The following ITGB3 variants were observed in gnomAD, a reference collection of about 807,000 sequenced individuals.
The protein encoded by ITGB3 is integrin beta-3.
ITGB3 carries 48 observed loss-of-function variants against 85.8 expected under a neutral mutation model. The observed-to-expected ratio is 0.56, with a 90% CI of 0.44 to 0.71. The LOEUF is 0.71. Among genes scored for constraint, ITGB3 ranks in the 30% least tolerant of loss-of-function variants. The pLI is 0.00. For synonymous variants in ITGB3, 363 were observed against 395.6 expected (o/e 0.92, Z 0.98); for missense variants, 861 against 1,019.1 (o/e 0.84, Z 2.11).
intron 1 of ITGB3, among the ~76,000 whole-genome samples, chr17:47,270,248 C>G (rs2065039724): frequency 6.6e-6 from 1 of 152,184 alleles, no homozygotes. Context: ...CTCTTCTAAC[C>G]CTTCTTGATG....
At chr17:47,259,267 A>G (rs1172094430) in intron 1 of ITGB3, 3 of 136,818 alleles carry the variant, frequency 2.2e-5, no homozygotes, top group Non-Finnish European at 4.5e-5. Context: ...CCTGGGGGCT[A>G]TTCTACCTTT....
chr17:47,276,192 G>A lies in ITGB3; in HGVS notation c.165+1688G>A, dbSNP rs144260624. On this transcript the variant is annotated intron_variant, in intron 2 of 14. Coordinates refer to ENST00000559488, the MANE Select transcript of ITGB3 (RefSeq NM_000212.3). Reference sequence around the variant, plus strand: ...CAACCCAAAGCAAGAGAAAATGCAGGTATCTCTGGCCCAGAGAATCTGGGG... The same window carrying A: ...CAACCCAAAGCAAGAGAAAATGCAGATATCTCTGGCCCAGAGAATCTGGGG... Among the ~76,000 whole-genome samples, 22 of 152,172 alleles carry A rather than the reference G, an allele frequency of 1.4e-4. No homozygotes were observed. In the East Asian group the frequency reaches 4.3e-3, roughly 30 times the overall value.
At position 47,300,566 on chromosome 17, in the gene ITGB3, G is replaced by C. The variant is rs762512013; in HGVS notation, c.2002G>C (p.Val668Leu). 103 of 1,613,504 alleles carry C rather than the reference G, an allele frequency of 6.4e-5. No homozygotes were observed. The highest frequency in any genetic ancestry group is 8.1e-5 in the Non-Finnish European group (96 of 1,179,600). Reference protein sequence around the residue: ...NRYCRDEIESVKELKDTGKDA... With the variant: ...NRYCRDEIESLKELKDTGKDA... ...TTACTGCCGTGACGAGATTGAGTCA[G>C]TGAAAGAGCTTAGTAAGTTCAGCAC... The change falls in exon 12 of 15, where the codon GTG becomes CTG. Residue 668 changes from valine to leucine, a missense_variant. Transcript: ENST00000559488.
At position 47,310,807 on chromosome 17, in the gene ITGB3, CT is replaced by C; in HGVS notation, c.*607del. ...GCTGAACTATTAGAGCTGCCTGTGCCTTTTGCCATCCCCTCAACCCAGCTAT... is the reference window on the plus strand; with the variant it reads ...GCTGAACTATTAGAGCTGCCTGTGCCTTTGCCATCCCCTCAACCCAGCTAT... On this transcript the variant is annotated 3_prime_UTR_variant, in exon 15 of 15. Coordinates refer to ENST00000559488, the MANE Select transcript of ITGB3 (RefSeq NM_000212.3). The C allele has an allele frequency of 5.8e-6, 1 of 171,596 alleles. No individual in the cohort carries two copies. Among genetic ancestry groups the C allele is most frequent in the Non-Finnish European group, 1.3e-5 (1 of 77,650 alleles). 10.6% of individuals were successfully genotyped at this position (171,596 alleles called of 1,614,324 possible).
In ITGB3 at chr17:47,300,589, C is replaced by T. The variant is rs760128580; in HGVS notation, c.2014+11C>T. On this transcript the variant is annotated intron_variant, in intron 12 of 14. Transcript: ENST00000559488. ...CAGTGAAAGAGCTTAGTAAGTTCAG[C>T]ACATCTTAGAGTTGCACACACCCAG... 13 of 1,600,124 alleles carry T rather than the reference C, an allele frequency of 8.1e-6. No individual in the cohort carries two copies. The highest frequency in any genetic ancestry group is 1.1e-5 in the Non-Finnish European group (13 of 1,167,932).
intron 1 of ITGB3, among the ~76,000 whole-genome samples, chr17:47,260,695 G>A (rs940002862): frequency 6.6e-6 from 1 of 152,176 alleles, no homozygotes; most frequent in Admixed American, 6.5e-5. Context: ...GTGGAGGGGA[G>A]GGTGGTGTTT....
chr17:47,256,945 G>T (rs1468078409), intron 1 of ITGB3, among the ~76,000 whole-genome samples: 3 of 152,172 alleles, frequency 2.0e-5, no homozygotes, highest in African/African-American at 7.2e-5. Flanking sequence ...GAGGGCTATG[G>T]TTTAAAGCCA....
chr17:47,285,919 CT>C (rs1016378037), intron 4 of ITGB3, among the ~76,000 whole-genome samples: 9 of 152,182 alleles, frequency 5.9e-5, no homozygotes, highest in African/African-American at 2.2e-4. Flanking sequence ...TCTCACAACT[CT>C]TATGGGATAT....
chr17:47,286,544 A>C, intron 5 of ITGB3, 122 bp downstream of exon 5: 2 of 1,163,354 alleles, frequency 1.7e-6, no homozygotes, highest in South Asian at 2.5e-5. Context: ...GGCTTCCTGC[A>C]GTTATGAGTA....
chr17:47,293,305 A>G (rs2065134339), intron 10 of ITGB3, among the ~76,000 whole-genome samples: 1 of 152,146 alleles, frequency 6.6e-6, no homozygotes, highest in Admixed American at 6.5e-5. Context: ...ATAATCTCAA[A>G]CTAGTTTCTC....
chr17:47,302,489 C>T (rs915795845), intron 12 of ITGB3, among the ~76,000 whole-genome samples: 1 of 152,170 alleles, frequency 6.6e-6, no homozygotes, highest in African/African-American at 2.4e-5. Context: ...ATGTCCCTTT[C>T]AGAGGAAGGA....
At chr17:47,275,677 G>A (rs1400733273) in intron 2 of ITGB3, among the ~76,000 whole-genome samples, 2 of 152,208 alleles carry the variant, frequency 1.3e-5, no homozygotes, top group Non-Finnish European at 2.9e-5. Context: ...GGAGCTGGGA[G>A]GCTGTGTTTA....
intron 10 of ITGB3, among the ~76,000 whole-genome samples, chr17:47,298,129 A>C (rs1473848756): frequency 1.3e-5 from 2 of 152,076 alleles, no homozygotes. Flanking sequence ...ATAATTAATT[A>C]ATTAAAAAAA....
intron 9 of ITGB3, 78 bp from the exon 10 acceptor site, chr17:47,292,061 A>C: frequency 2.7e-6 from 4 of 1,476,640 alleles, no homozygotes; most frequent in South Asian, 1.2e-5. Flanking sequence ...AGGGCAGGGA[A>C]CAACTTTTTT....
chr17:47,277,426 TA>T (rs2065067966), intron 2 of ITGB3, among the ~76,000 whole-genome samples: 1 of 152,088 alleles, frequency 6.6e-6, no homozygotes, highest in Non-Finnish European at 1.5e-5. Flanking sequence ...GGTTGCCAGA[TA>T]AATACAGAAC....
intron 1 of ITGB3, among the ~76,000 whole-genome samples, chr17:47,258,838 A>C (rs1419441981): frequency 6.6e-6 from 1 of 152,252 alleles, no homozygotes; most frequent in Non-Finnish European, 1.5e-5. Flanking sequence ...ATGTTTTACA[A>C]AATGTCATAT....
chr17:47,308,628 A>C (rs1035056126), intron 14 of ITGB3, among the ~76,000 whole-genome samples: 1 of 151,964 alleles, frequency 6.6e-6, no homozygotes, highest in African/African-American at 2.4e-5. Context: ...TCAGCCTCCC[A>C]AGTAACTGGA....
intron 10 of ITGB3, among the ~76,000 whole-genome samples, chr17:47,293,496 C>T (rs896665383): frequency 4.6e-5 from 7 of 152,092 alleles, no homozygotes; most frequent in African/African-American, 1.7e-4. Flanking sequence ...ATCCCTCTTG[C>T]GACAGACACA....
intron 2 of ITGB3, chr17:47,279,700 A>T (rs1430473238): frequency 6.6e-6 from 1 of 152,222 alleles, no homozygotes; most frequent in African/African-American, 2.4e-5. Flanking sequence ...CTGAAGATGC[A>T]TGAAGGCCTT....
Sources: gnomAD v4.1 joint callset for allele counts (sites outside exome capture counted in the v4.1 genomes callset) on GRCh38, gnomAD v4.1.1 for gene constraint, MANE v1.5 for transcripts, NCBI Gene and HGNC (gene_info 2026-07-23, HGNC 2026-07-21) for gene names.